Variants in PDLIM7 observed in about 807,000 individuals in gnomAD.
PDLIM7 encodes PDZ and LIM domain protein 7.
Under a neutral mutation model 53.9 loss-of-function variants are expected in PDLIM7, and 37 were observed. That is an observed-to-expected ratio of 0.69 (90% CI 0.53 to 0.90). The LOEUF (loss-of-function observed/expected upper bound fraction) is 0.90, where lower values mean the gene tolerates loss of function less well. Among genes scored for constraint, PDLIM7 ranks in the 40% least tolerant of loss-of-function variants. The probability of loss-of-function intolerance (pLI) is 0.00; values close to 1 mark genes in which losing one functional copy is unlikely to be tolerated. For synonymous variants in PDLIM7, 300 were observed against 261.3 expected, an observed-to-expected ratio of 1.15 and a Z score of -1.43; for missense variants, 617 against 638.5, an observed-to-expected ratio of 0.97 and a Z score of 0.36.
intron 7 of PDLIM7, 22 bp from the exon 8 acceptor site, chr5:177,489,854 G>T: frequency 6.4e-7 from 1 of 1,572,892 alleles, no homozygotes. Context: ...GCCATTCAAG[G>T]CCCTGCATGG....
chr5:177,493,256 C>T (rs1340060693), intron 2 of PDLIM7, among the ~76,000 whole-genome samples: 1 of 152,230 alleles, frequency 6.6e-6, no homozygotes, highest in Non-Finnish European at 1.5e-5. Context: ...CCTGTTATCT[C>T]CCGGTTCCCT....
chr5:177,492,584 T>A lies in PDLIM7; in HGVS notation c.190A>T (p.Ile64Phe). 1 of 1,613,758 alleles carries A rather than the reference T, an allele frequency of 6.2e-7. No homozygotes were observed. The highest frequency in any genetic ancestry group is 8.5e-7 in the Non-Finnish European group (1 of 1,179,940). ...GCCCGGATCTTGTTCTGAGCTTCGA[T>A]GTGTGTGAGGCTACCCGCATTCTCG... ...DGENAGSLTHIEAQNKIRACG... is the reference protein window; with the variant it reads ...DGENAGSLTHFEAQNKIRACG... Residue 64 changes from isoleucine to phenylalanine, a missense_variant, in exon 3 of 13, where the codon ATC becomes TTC. Transcript: ENST00000355841.
chr5:177,496,733 C>T (rs1388832717), intron 1 of PDLIM7: 4 of 390,720 alleles, frequency 1.0e-5, no homozygotes, highest in Admixed American at 4.7e-5. Flanking sequence ...AGCAGCCCCC[C>T]TCCCCTTGGG....
At chr5:177,488,738 A>C (rs1016517530) in intron 9 of PDLIM7, among the ~76,000 whole-genome samples, 2 of 152,282 alleles carry the variant, frequency 1.3e-5, no homozygotes, top group Middle Eastern at 3.4e-3. Flanking sequence ...TAAAAATACA[A>C]AATTAGCCAG....
intron 2 of PDLIM7, among the ~76,000 whole-genome samples, chr5:177,495,935 C>T (rs147702232): frequency 1.3e-5 from 2 of 152,170 alleles, no homozygotes; most frequent in East Asian, 3.9e-4. Flanking sequence ...CCAATCCCTG[C>T]TTCACCATGG....
intron 10 of PDLIM7, 88 bp downstream of exon 10, chr5:177,487,980 G>A: frequency 1.5e-6 from 2 of 1,349,004 alleles, no homozygotes; most frequent in South Asian, 2.8e-5. Flanking sequence ...GGCTCACTCG[G>A]GGAGAGACCT....
chr5:177,492,840 G>C, intron 2 of PDLIM7, 163 bp from the exon 3 acceptor site: 1 of 680,034 alleles, frequency 1.5e-6, no homozygotes, highest in Non-Finnish European at 2.5e-6. Context: ...AAGCAACCCA[G>C]GAGGTGGTGG....
chr5:177,489,356 TG>T, intron 9 of PDLIM7, 36 bp downstream of exon 9: 1 of 1,456,290 alleles, frequency 6.9e-7, no homozygotes. Context: ...GGCTGCAGGA[TG>T]GGAAAGCCAG....
intron 2 of PDLIM7, 41 bp downstream of exon 2, chr5:177,496,376 A>G: frequency 6.8e-7 from 1 of 1,467,450 alleles, no homozygotes. Context: ...CTAAGCACCG[A>G]AAGACCGCTG....
intron 1 of PDLIM7, 104 bp from the exon 2 acceptor site, chr5:177,496,627 C>A: frequency 1.5e-6 from 1 of 685,572 alleles, no homozygotes; most frequent in African/African-American, 1.9e-5. Context: ...CAGGCAGGCA[C>A]GGGCAGCCCC....
intron 4 of PDLIM7, 182 bp downstream of exon 4, chr5:177,492,223 G>C (rs988773311): frequency 2.8e-6 from 2 of 721,142 alleles, no homozygotes; most frequent in Admixed American, 5.9e-5. Context: ...GACATGCGTG[G>C]TGCCAGGACC....
chr5:177,488,406 G>A (rs1436090202), intron 9 of PDLIM7, among the ~76,000 whole-genome samples, 158 bp from the exon 10 acceptor site: 2 of 152,210 alleles, frequency 1.3e-5, no homozygotes, highest in South Asian at 2.1e-4. Flanking sequence ...GGAAGTGACC[G>A]TGGCAGCCGT....
Position 177,491,365 on chromosome 5 carries a change from A to T in PDLIM7, c.399-219T>A, listed in dbSNP as rs1317796611. The stretch of plus-strand genomic sequence containing the variant: ...AGGGGCCGCCACCCAGAGTGCCAAA[A>T]GGAAGAAGAAAGGCACAGGCAGAGG... On this transcript the variant is annotated intron_variant, in intron 5 of 12. Transcript: ENST00000355841. 4 of 1,551,638 alleles carry T rather than the reference A, an allele frequency of 2.6e-6. No homozygotes were observed. In the Admixed American group the frequency reaches 7.8e-5, roughly 30 times the overall value.
At chr5:177,485,620 CTCT>C (rs1172509344) in intron 10 of PDLIM7, among the ~76,000 whole-genome samples, 45 of 152,212 alleles carry the variant, frequency 3.0e-4, no homozygotes, top group East Asian at 1.9e-4. Flanking sequence ...GGAGGAGGAC[CTCT>C]TCTTCTGGGA....
intron 10 of PDLIM7, among the ~76,000 whole-genome samples, chr5:177,485,395 AGCAG>A (rs1440627837): frequency 6.6e-6 from 1 of 152,122 alleles, no homozygotes; most frequent in Non-Finnish European, 1.5e-5. Context: ...TCACATCTGG[AGCAG>A]GCAGAGGGCA....
chr5:177,488,118 C>T lies in PDLIM7; in HGVS notation c.1000G>A (p.Asp334Asn). 2 of 1,613,048 alleles carry T rather than the reference C, an allele frequency of 1.2e-6. No homozygotes were observed. Among genetic ancestry groups the T allele is most frequent in the Non-Finnish European group, 1.7e-6 (2 of 1,179,842 alleles). Residue 334 changes from aspartate (D) to asparagine (N), a missense_variant, in exon 10 of 13, where the codon GAC (aspartate) becomes AAC (asparagine). Coordinates refer to ENST00000355841, the MANE Select transcript of PDLIM7 (RefSeq NM_005451.5). ...GCACAGCTGGGTGCATAGCGCACGTCATAGCATGGTGGGCAGAAGATGGCG... is the reference window on the plus strand; with the variant it reads ...GCACAGCTGGGTGCATAGCGCACGTTATAGCATGGTGGGCAGAAGATGGCG... ...KGAIFCPPCY[D>N]VRYAPSCAKC...
chr5:177,490,015 TG>T (rs781338329), intron 7 of PDLIM7, 183 bp from the exon 8 acceptor site: 201 of 1,534,450 alleles, frequency 1.3e-4, no homozygotes, highest in Non-Finnish European at 1.6e-4. Context: ...TCCAGTTAGC[TG>T]GTGTGCGGTC....
At chr5:177,494,296 A>G (rs1380828613) in intron 2 of PDLIM7, among the ~76,000 whole-genome samples, 1 of 152,194 alleles carries the variant, frequency 6.6e-6, no homozygotes, top group African/African-American at 2.4e-5. Context: ...TCTGCTGAGC[A>G]TGGGGGCCCA....
At chr5:177,490,749 GGAAGGAA>G in intron 7 of PDLIM7, 114 bp downstream of exon 7, 1 of 998,856 alleles carries the variant, frequency 1.0e-6, no homozygotes, top group African/African-American at 1.6e-5. Flanking sequence ...AAGGAAGGAA[GGAAGGAA>G]GGAAGGAAGG....
Sources: allele counts gnomAD v4.1 joint callset (sites outside exome capture counted in the v4.1 genomes callset), GRCh38; gene constraint gnomAD v4.1.1; transcripts MANE v1.5; gene names NCBI Gene and HGNC (gene_info 2026-07-23, HGNC 2026-07-21).